The following ROCK1 variants were observed in gnomAD, a reference collection of about 807,000 sequenced individuals.
ROCK1 encodes the protein Rho associated coiled-coil containing protein kinase 1, also known as rho-associated protein kinase 1.
Under a neutral mutation model 196.8 loss-of-function variants are expected in ROCK1, and 36 were observed. That is an observed-to-expected ratio of 0.18 (90% CI 0.14 to 0.24). ROCK1 has a LOEUF of 0.24. Ranked by LOEUF, ROCK1 falls within the 10% of genes least tolerant of loss-of-function variation. ROCK1 has a pLI of 1.00. For missense variants in ROCK1, 920 were observed against 1,562.0 expected, an observed-to-expected ratio of 0.59 and a Z score of 6.93; for synonymous variants, 443 against 515.9, an observed-to-expected ratio of 0.86 and a Z score of 1.91.
intron 1 of ROCK1, among the ~76,000 whole-genome samples, chr18:21,085,060 CAG>C (rs1407511351): frequency 1.3e-5 from 2 of 151,898 alleles, no homozygotes; most frequent in Non-Finnish European, 2.9e-5. Flanking sequence ...TTTACAGAAA[CAG>C]AAAGTAGAAT....
intron 2 of ROCK1, among the ~76,000 whole-genome samples, chr18:21,064,095 C>T (rs964093340): frequency 1.3e-5 from 2 of 152,118 alleles, no homozygotes; most frequent in Admixed American, 1.3e-4. Context: ...AAAAAACAAG[C>T]AACTAAGTAA....
intron 29 of ROCK1, 86 bp downstream of exon 29, chr18:20,959,754 C>G (rs554188015): frequency 9.1e-5 from 60 of 659,650 alleles, no homozygotes; most frequent in Admixed American, 1.5e-4. Flanking sequence ...TGAAGTAACA[C>G]AAAATATAAA....
Position 21,062,809 on chromosome 18 carries a change from G to C in ROCK1, c.175+7723C>G, listed in dbSNP as rs181099841. ...CATAAAGCTGGAAATTTTAAAGTCA[G>C]AGACCACCTGGACTTTCTAGATCAT... On this transcript the variant is annotated intron_variant, in intron 2 of 32. Transcript: ENST00000399799. Among the ~76,000 whole-genome samples the C allele has an allele frequency of 5.9e-5, 9 of 152,156 alleles. 1 individual carries two copies. In the East Asian group the frequency reaches 1.5e-3, roughly 26 times the overall value.
intron 2 of ROCK1, 54 bp downstream of exon 2, chr18:21,070,478 G>T: frequency 1.1e-6 from 1 of 923,860 alleles, no homozygotes; most frequent in Non-Finnish European, 1.7e-6. Flanking sequence ...AATGACATAA[G>T]TGAAAATGTA....
intron 22 of ROCK1, among the ~76,000 whole-genome samples, chr18:20,972,514 G>T (rs1043283472): frequency 6.6e-6 from 1 of 152,174 alleles, no homozygotes; most frequent in Admixed American, 6.5e-5. Flanking sequence ...AATCCCTTGA[G>T]CACTCCAAAC....
chr18:21,111,575 G>T lies in ROCK1; in HGVS notation c.-665C>A. ...GCTGCTACGGTGTCCGGTGGGGCAG[G>T]GCGAGGTCGATGCCCGATGGAGACT... On this transcript the variant is annotated 5_prime_UTR_variant, in exon 1 of 33. Transcript: ENST00000399799. This position sits in a 1 kb window ranked among gnomAD's most constrained non-coding sequence, Gnocchi z 4.2. The T allele has an allele frequency of 6.2e-6, 1 of 162,400 alleles. No homozygotes were observed. 10.1% of individuals were successfully genotyped at this position (162,400 alleles called of 1,614,324 possible).
rs1351450055 is a variant in ROCK1 at position 20,961,418 on chromosome 18, T to C, written c.3353-1212A>G. ...TTTATAATATCTCATATTTAACCTA[T>C]GTATAAGTCCATGAATACAGGATAT... On this transcript the variant is annotated intron_variant, in intron 27 of 32. Transcript: ENST00000399799. Among the ~76,000 whole-genome samples, 3 of 152,308 alleles carry C rather than the reference T, an allele frequency of 2.0e-5. No individual in the cohort carries two copies. In the East Asian group the frequency reaches 5.8e-4, roughly 29 times the overall value.
intron 1 of ROCK1, among the ~76,000 whole-genome samples, chr18:21,101,856 T>C (rs1443772739): frequency 2.0e-5 from 3 of 151,338 alleles, no homozygotes; most frequent in African/African-American, 7.4e-5. Context: ...GCCATTATGA[T>C]TATGTAAGAA....
intron 1 of ROCK1, among the ~76,000 whole-genome samples, chr18:21,091,338 C>T (rs772945487): frequency 6.6e-6 from 1 of 152,174 alleles, no homozygotes; most frequent in Non-Finnish European, 1.5e-5. Context: ...GGAATGGTGG[C>T]TCATGCCTGT....
intron 27 of ROCK1, among the ~76,000 whole-genome samples, chr18:20,963,224 T>C (rs1387944466): frequency 1.3e-5 from 2 of 152,126 alleles, no homozygotes; most frequent in African/African-American, 4.8e-5. Context: ...ATTACTGCAA[T>C]ATCAGCGATT....
chr18:21,010,598 G>T (rs114740799), intron 13 of ROCK1, among the ~76,000 whole-genome samples: 4,390 of 152,256 alleles, frequency 0.029, 230 homozygotes, highest in African/African-American at 0.097. Context: ...TATGATTTCA[G>T]TGCTTTCAAA....
chr18:20,947,628 G>A lies in ROCK1; in HGVS notation c.*3756C>T, dbSNP rs144427079. On this transcript the variant is annotated 3_prime_UTR_variant, in exon 33 of 33. Transcript: ENST00000399799. ...AGGCTAGGAGTTAGAGACCACCCTG[G>A]GCAACATAATCTCATCGGATTGTCA... The A allele has an allele frequency of 2.6e-5, 4 of 152,110 alleles. No homozygotes were observed. The highest frequency in any genetic ancestry group is 2.1e-4 in the South Asian group (1 of 4,814). 9.4% of individuals were successfully genotyped at this position (152,110 alleles called of 1,614,324 possible).
chr18:20,986,134 T>C (rs117850000), intron 19 of ROCK1, among the ~76,000 whole-genome samples: 1 of 152,190 alleles, frequency 6.6e-6, no homozygotes, highest in Non-Finnish European at 1.5e-5. Flanking sequence ...GTGCTGGGAT[T>C]ACAGGTGTCA....
intron 1 of ROCK1, among the ~76,000 whole-genome samples, chr18:21,078,447 G>A (rs1230694741): frequency 1.3e-5 from 2 of 148,708 alleles, no homozygotes; most frequent in Admixed American, 8.0e-5. Context: ...GGCAGATAGA[G>A]AGGAAAAAAA....
At chr18:20,962,311 T>C (rs1169968702) in intron 27 of ROCK1, among the ~76,000 whole-genome samples, 1 of 152,174 alleles carries the variant, frequency 6.6e-6, no homozygotes, top group African/African-American at 2.4e-5. Context: ...TTTTAAAGTG[T>C]AGTTTGGAAA....
At chr18:21,082,176 G>A (rs559540333) in intron 1 of ROCK1, among the ~76,000 whole-genome samples, 3 of 152,002 alleles carry the variant, frequency 2.0e-5, no homozygotes, top group South Asian at 2.1e-4. Context: ...TGAGCTCAAC[G>A]TTATTTGTTT....
At chr18:21,049,915 C>T (rs746639480) in intron 2 of ROCK1, 35 bp from the exon 3 acceptor site, 11 of 1,233,048 alleles carry the variant, frequency 8.9e-6, no homozygotes, top group Middle Eastern at 1.9e-4. Flanking sequence ...TTTTAAATCA[C>T]TAAAGCATTA....
intron 16 of ROCK1, among the ~76,000 whole-genome samples, chr18:20,994,445 C>G (rs1598521100): frequency 6.6e-6 from 1 of 152,050 alleles, no homozygotes; most frequent in Non-Finnish European, 1.5e-5. Flanking sequence ...ATCAGCTTAG[C>G]CAACATGGTG....
intron 1 of ROCK1, among the ~76,000 whole-genome samples, chr18:21,097,014 A>C (rs963182024): frequency 6.6e-6 from 1 of 152,208 alleles, no homozygotes; most frequent in Non-Finnish European, 1.5e-5. Flanking sequence ...TGTGAGGAGG[A>C]CATGGGGGAG....
Sources: gnomAD v4.1 joint callset for allele counts (sites outside exome capture counted in the v4.1 genomes callset) on GRCh38, gnomAD v4.1.1 for gene constraint, Gnocchi (gnomAD v3.1) non-coding constraint, MANE v1.5 for transcripts, NCBI Gene and HGNC (gene_info 2026-07-23, HGNC 2026-07-21) for gene names.